The following ROBO2 variants were observed in gnomAD, a reference collection of about 807,000 sequenced individuals.
The protein encoded by ROBO2 is roundabout homolog 2.
Under a neutral mutation model 160.8 loss-of-function variants are expected in ROBO2, and 53 were observed. The observed-to-expected ratio is 0.33, with a 90% CI of 0.26 to 0.41. The LOEUF (loss-of-function observed/expected upper bound fraction) is 0.41, where lower values mean the gene tolerates loss of function less well. Ranked by LOEUF, ROBO2 falls within the 10% of genes least tolerant of loss-of-function variation. The probability of loss-of-function intolerance (pLI) is 1.00; values close to 1 mark genes in which losing one functional copy is unlikely to be tolerated. For synonymous variants in ROBO2, 664 were observed against 611.7 expected, an observed-to-expected ratio of 1.09 and a Z score of -1.26; for missense variants, 1,577 against 1,722.4, an observed-to-expected ratio of 0.92 and a Z score of 1.49.
rs371434300 is a variant in ROBO2 at position 76,840,178 on chromosome 3, T to A, written c.110-257836T>A. 6.6e-5 allele frequency among the ~76,000 whole-genome samples: 10 copies of A among 152,312 alleles called. No individual in the cohort carries two copies. The East Asian group carries it at 1.9e-3, about 29-fold the overall frequency. ...CTTTTGTATTTTTTTAATTTCAATT[T>A]AATGTATTTCTGCTCTAATCTGTTT... is the stretch of plus-strand genomic sequence containing the variant. On this transcript the variant is annotated intron_variant, in intron 2 of 26. Coordinates refer to the ROBO2 transcript ENST00000487694.
intron 2 of ROBO2, among the ~76,000 whole-genome samples, chr3:76,292,615 G>A (rs1211193884): frequency 6.6e-6 from 1 of 151,984 alleles, no homozygotes; most frequent in Non-Finnish European, 1.5e-5. Flanking sequence ...AACAATATAA[G>A]TGTGGTGTTT....
rs535307531 is a variant in ROBO2 at position 76,629,849 on chromosome 3, A to G, written c.110-468165A>G. 2.0e-5 allele frequency among the ~76,000 whole-genome samples: 3 copies of G among 152,316 alleles called. No individual in the cohort carries two copies. The South Asian group carries it at 6.2e-4, about 32-fold the overall frequency. Reference sequence around the variant, plus strand: ...AGTGAAAACAGCCCATTTGCTGTCTATGCAAGTACATCATCAACACCCCTT... The same window carrying G: ...AGTGAAAACAGCCCATTTGCTGTCTGTGCAAGTACATCATCAACACCCCTT... On this transcript the variant is annotated intron_variant, in intron 2 of 26. Transcript: ENST00000487694.
At chr3:76,740,898 T>C (rs2093791421) in intron 2 of ROBO2, among the ~76,000 whole-genome samples, 1 of 152,110 alleles carries the variant, frequency 6.6e-6, no homozygotes, top group South Asian at 2.1e-4. Context: ...TATTCTGTTT[T>C]GGGTGTTTAT....
intron 2 of ROBO2, among the ~76,000 whole-genome samples, chr3:76,738,945 C>T (rs1190487348): frequency 6.6e-6 from 1 of 151,922 alleles, no homozygotes; most frequent in East Asian, 1.9e-4. Flanking sequence ...AATGAACTAA[C>T]TCAGCAAGCA....
At chr3:76,547,182 T>C (rs1316441408) in intron 2 of ROBO2, among the ~76,000 whole-genome samples, 3 of 152,026 alleles carry the variant, frequency 2.0e-5, no homozygotes, top group African/African-American at 7.2e-5. Context: ...AAAATAAAGA[T>C]GTTTTTAATA....
At chr3:77,047,737 A>G (rs1249946685) in intron 1 of ROBO2, among the ~76,000 whole-genome samples, 1 of 147,656 alleles carries the variant, frequency 6.8e-6, no homozygotes, top group Non-Finnish European at 1.5e-5. Context: ...TATATAAAAT[A>G]AAGATGTATA....
chr3:76,895,254 C>T (rs564205636), intron 2 of ROBO2, among the ~76,000 whole-genome samples: 10 of 152,056 alleles, frequency 6.6e-5, no homozygotes, highest in African/African-American at 2.2e-4. Flanking sequence ...ACAACTCCTT[C>T]GGGTAAAATA....
At chr3:76,173,831 C>T (rs1311205791) in intron 2 of ROBO2, among the ~76,000 whole-genome samples, 2 of 152,220 alleles carry the variant, frequency 1.3e-5, no homozygotes, top group African/African-American at 4.8e-5. Context: ...CATATATTTG[C>T]ATGCGTTGTC....
intron 16 of ROBO2, among the ~76,000 whole-genome samples, chr3:77,580,347 T>G (rs1221330696): frequency 2.0e-5 from 3 of 152,146 alleles, no homozygotes; most frequent in Non-Finnish European, 4.4e-5. Context: ...ATTTAAGAGT[T>G]TAAATGCTGA....
At chr3:77,243,981 C>A (rs1327828201) in intron 2 of ROBO2, among the ~76,000 whole-genome samples, 1 of 152,102 alleles carries the variant, frequency 6.6e-6, no homozygotes, top group Non-Finnish European at 1.5e-5. Context: ...ATAGGATGTA[C>A]ACATTGTGGG....
chr3:76,365,080 T>G (rs2075736070), intron 2 of ROBO2, among the ~76,000 whole-genome samples: 1 of 152,006 alleles, frequency 6.6e-6, no homozygotes, highest in South Asian at 2.1e-4. Context: ...AAGCCACACT[T>G]TATTCTAATT....
In ROBO2 at chr3:76,955,352, T is replaced by C. The variant is rs371739876; in HGVS notation, c.110-142662T>C. Among the ~76,000 whole-genome samples the C allele has an allele frequency of 4.6e-5, 7 of 152,268 alleles. No individual in the cohort carries two copies. The East Asian group carries it at 9.7e-4, about 21-fold the overall frequency. The stretch of plus-strand genomic sequence containing the variant: ...ACAAATACCTGCTTGAGCCCCTCTT[T>C]TCAGTTCTTTTGGGTATATATCTAG... On this transcript the variant is annotated intron_variant, in intron 2 of 26. Coordinates refer to the ROBO2 transcript ENST00000487694.
At chr3:76,123,807 C>T (rs1235975710) in intron 2 of ROBO2, among the ~76,000 whole-genome samples, 2 of 152,244 alleles carry the variant, frequency 1.3e-5, no homozygotes, top group East Asian at 1.9e-4. Flanking sequence ...TCTTCCTACA[C>T]CTTGATCCCT....
intron 4 of ROBO2, among the ~76,000 whole-genome samples, chr3:77,482,864 A>G (rs1168023911): frequency 1.4e-5 from 2 of 144,522 alleles, no homozygotes; most frequent in Admixed American, 6.9e-5. Flanking sequence ...GAATAGAAAG[A>G]AAAAAAAAAG....
chr3:76,188,721 A>G (rs1380884601), intron 2 of ROBO2, among the ~76,000 whole-genome samples: 1 of 152,074 alleles, frequency 6.6e-6, no homozygotes, highest in African/African-American at 2.4e-5. Flanking sequence ...TATTGCACCT[A>G]AAGTCCTAGC....
intron 2 of ROBO2, among the ~76,000 whole-genome samples, chr3:76,413,888 TA>T (rs2075620662): frequency 6.6e-6 from 1 of 152,168 alleles, no homozygotes; most frequent in African/African-American, 2.4e-5. Context: ...TTTACTGTAT[TA>T]CTCCATTTTC....
chr3:76,334,232 G>C (rs1481772684), intron 2 of ROBO2, among the ~76,000 whole-genome samples: 4 of 152,040 alleles, frequency 2.6e-5, no homozygotes, highest in Non-Finnish European at 5.9e-5. Context: ...TTTTACATCA[G>C]TTATCTTGTT....
chr3:76,668,214 C>T (rs1252430269), intron 2 of ROBO2, among the ~76,000 whole-genome samples: 1 of 152,042 alleles, frequency 6.6e-6, no homozygotes. Context: ...ATCCTCCCAC[C>T]TCAGCTTCTG....
At chr3:76,647,600 C>A (rs373626888) in intron 2 of ROBO2, among the ~76,000 whole-genome samples, 15 of 152,224 alleles carry the variant, frequency 9.9e-5, no homozygotes, top group Middle Eastern at 6.8e-3. Context: ...TTTAATATAA[C>A]CTTGAGGCAA....
Sources: allele counts gnomAD v4.1 joint callset (sites outside exome capture counted in the v4.1 genomes callset), GRCh38; gene constraint gnomAD v4.1.1; transcripts MANE v1.5; gene names NCBI Gene and HGNC (gene_info 2026-07-23, HGNC 2026-07-21).